Variants in DDX10 observed in about 807,000 individuals in gnomAD.
DDX10 encodes the protein probable ATP-dependent RNA helicase DDX10.
Under a neutral mutation model 104.3 loss-of-function variants are expected in DDX10, and 74 were observed. That is an observed-to-expected ratio of 0.71 (90% CI 0.59 to 0.86). The LOEUF (loss-of-function observed/expected upper bound fraction) is 0.86, where lower values mean the gene tolerates loss of function less well. Ranked by LOEUF, DDX10 falls within the 40% of genes least tolerant of loss-of-function variation. The pLI, the probability that DDX10 is intolerant of heterozygous loss-of-function variation, is 0.00. For missense variants in DDX10, 952 were observed against 1,040.0 expected, an observed-to-expected ratio of 0.92 and a Z score of 1.16; for synonymous variants, 351 against 353.4, an observed-to-expected ratio of 0.99 and a Z score of 0.08.
At chr11:108,925,403 G>T (rs1461239462) in intron 17 of DDX10, among the ~76,000 whole-genome samples, 1 of 152,144 alleles carries the variant, frequency 6.6e-6, no homozygotes, top group Admixed American at 6.6e-5. Context: ...GAAGCGCCAG[G>T]ATCTCTAAGA....
Position 108,723,246 on chromosome 11 carries a change from A to AGAAGAAGAAGACGAT in DDX10, c.1759_1773dup (p.Asp587_Glu591dup). On this transcript the variant is annotated inframe_insertion, in exon 13 of 18. Coordinates refer to ENST00000322536, the MANE Select transcript of DDX10 (RefSeq NM_004398.4). ...ATGATACTGGTAATGAAGAACAGGAAGAAGAAGAAGACGATGAAGAAGAAA... is the reference window on the plus strand; with the variant it reads ...ATGATACTGGTAATGAAGAACAGGAAGAAGAAGAAGACGATGAAGAAGAAGACGATGAAGAAGAAA... 1 of 1,612,100 alleles carries AGAAGAAGAAGACGAT rather than the reference A, an allele frequency of 6.2e-7. No individual in the cohort carries two copies. Among genetic ancestry groups the AGAAGAAGAAGACGAT allele is most frequent in the Non-Finnish European group, 8.5e-7 (1 of 1,179,274 alleles).
chr11:108,856,868 G>A (rs559217698), intron 16 of DDX10, among the ~76,000 whole-genome samples: 11 of 57,362 alleles, frequency 1.9e-4, no homozygotes, highest in Admixed American at 4.5e-4. Context: ...CACCACCCCC[G>A]CGTGAGAATA....
intron 13 of DDX10, among the ~76,000 whole-genome samples, chr11:108,835,653 G>A (rs1195472949): frequency 6.6e-6 from 1 of 152,200 alleles, no homozygotes; most frequent in Non-Finnish European, 1.5e-5. Context: ...TCAAGGGCCC[G>A]TTACAAAGTT....
chr11:108,665,789 T>C (rs71489910), intron 1 of DDX10, among the ~76,000 whole-genome samples: 10,348 of 152,216 alleles, frequency 0.068, 400 homozygotes, highest in Middle Eastern at 0.13. Context: ...TAGTAGGTGG[T>C]GTGGAATTGG....
chr11:108,715,734 A>G (rs1344327964), intron 10 of DDX10, 145 bp from the exon 11 acceptor site: 3 of 582,194 alleles, frequency 5.2e-6, no homozygotes, highest in African/African-American at 1.9e-5. Flanking sequence ...ACTTATGTCT[A>G]GTTTAATTTC....
intron 16 of DDX10, among the ~76,000 whole-genome samples, chr11:108,865,066 G>T (rs768242308): frequency 2.6e-5 from 4 of 152,194 alleles, no homozygotes; most frequent in Non-Finnish European, 4.4e-5. Context: ...AGGAGCAGCA[G>T]GATTTGGTTT....
chr11:108,928,994 C>T (rs1056845614), intron 17 of DDX10, among the ~76,000 whole-genome samples: 3 of 152,176 alleles, frequency 2.0e-5, no homozygotes, highest in Non-Finnish European at 2.9e-5. Context: ...GATGTAGTGA[C>T]AGTAATGTCA....
chr11:108,837,607 C>CTTTTTTTTTTTTTTTTTTTTTT lies in DDX10; in HGVS notation c.1966-825_1966-804dup, dbSNP rs142381520. 1.2e-4 allele frequency among the ~76,000 whole-genome samples: 4 copies of CTTTTTTTTTTTTTTTTTTTTTT among 34,748 alleles called. 1 individual carries two copies. Among genetic ancestry groups the CTTTTTTTTTTTTTTTTTTTTTT allele is most frequent in the Non-Finnish European group, 2.0e-4 (4 of 20,186 alleles). The allele number at this position is 34,748 out of a possible 152,430, so 22.8% of individuals were successfully genotyped here. A position where few individuals can be genotyped will look rare whatever the true frequency, so the allele number is the denominator to read the frequency against. On this transcript the variant is annotated intron_variant, in intron 13 of 17. Coordinates refer to ENST00000322536, the MANE Select transcript of DDX10 (RefSeq NM_004398.4). ...TTCTGCATCTCACCTTTGGATACAG[C>CTTTTTTTTTTTTTTTTTTTTTT]TTTTTTTTTTTTTTTTTTTTTTTTT...
intron 13 of DDX10, among the ~76,000 whole-genome samples, chr11:108,743,850 A>G (rs1378321370): frequency 6.6e-6 from 1 of 152,202 alleles, no homozygotes; most frequent in Admixed American, 6.5e-5. Context: ...AAACACACAC[A>G]TGCTGCTTGA....
Position 108,706,725 on chromosome 11 carries a change from TTC to T in DDX10, c.1224-12_1224-11del. The T allele has an allele frequency of 6.2e-7, 1 of 1,606,020 alleles. No homozygotes were observed. Among genetic ancestry groups the T allele is most frequent in the Non-Finnish European group, 8.5e-7 (1 of 1,172,660 alleles). ...TGCATTGATGTGTTAAAGATTTTGT[TTC>T]TTTTTGTTTAGGTACAAAGAGGATG... On this transcript the variant is annotated splice_polypyrimidine_tract_variant and intron_variant, in intron 9 of 17. Coordinates refer to ENST00000322536, the MANE Select transcript of DDX10 (RefSeq NM_004398.4).
Position 108,715,934 on chromosome 11 carries a change from C to T in DDX10, c.1378C>T (p.Gln460Ter). ...VQKKLESILAQDQDLKERAQR... is the reference protein window; with the variant it reads ...VQKKLESILA ...GAAAAAATTGGAATCTATTTTAGCTCAAGATCAAGATTTAAAAGAAAGAGC... is the reference window on the plus strand; with the variant it reads ...GAAAAAATTGGAATCTATTTTAGCTTAAGATCAAGATTTAAAAGAAAGAGC... The change falls in exon 11 of 18, where the codon CAA (glutamine) becomes TAA (stop). Residue 460 changes from glutamine (Q) to a stop codon, truncating the protein, a stop_gained. Coordinates refer to ENST00000322536, the MANE Select transcript of DDX10 (RefSeq NM_004398.4). LOFTEE classifies it high-confidence loss of function. 6.4e-7 allele frequency: 1 copy of T among 1,565,398 alleles called. No individual in the cohort carries two copies. Among genetic ancestry groups the T allele is most frequent in the South Asian group, 1.1e-5 (1 of 88,834 alleles).
At chr11:108,692,510 G>T (rs1787004445) in intron 8 of DDX10, among the ~76,000 whole-genome samples, 1 of 152,170 alleles carries the variant, frequency 6.6e-6, no homozygotes, top group African/African-American at 2.4e-5. Context: ...GTGGGAATGG[G>T]ACGGGGATGG....
chr11:108,784,314 T>C (rs1861757819), intron 13 of DDX10, among the ~76,000 whole-genome samples: 1 of 152,156 alleles, frequency 6.6e-6, no homozygotes, highest in Non-Finnish European at 1.5e-5. Context: ...TCTTTTATTT[T>C]TTTGACTTTT....
intron 15 of DDX10, among the ~76,000 whole-genome samples, chr11:108,845,033 A>T (rs1862694776): frequency 6.6e-6 from 1 of 151,852 alleles, no homozygotes; most frequent in South Asian, 2.1e-4. Flanking sequence ...CATCTCTACT[A>T]AAAAAATACA....
In DDX10 at chr11:108,931,097, A is replaced by G. The variant is rs899754105; in HGVS notation, c.2451-9149A>G. Reference sequence around the variant, plus strand: ...CTCCCCAGGAGTTCTCTCATGAGCCATGATAGCACCCTGTACTCCAGCCTG... The same window carrying G: ...CTCCCCAGGAGTTCTCTCATGAGCCGTGATAGCACCCTGTACTCCAGCCTG... On this transcript the variant is annotated intron_variant, in intron 17 of 17. Coordinates refer to ENST00000322536, the MANE Select transcript of DDX10 (RefSeq NM_004398.4). Among the ~76,000 whole-genome samples the G allele has an allele frequency of 2.6e-5, 4 of 152,260 alleles. No individual in the cohort carries two copies. The Middle Eastern group carries it at 0.01, about 388-fold the overall frequency.
chr11:108,872,971 C>T (rs1050560274), intron 16 of DDX10, among the ~76,000 whole-genome samples: 2 of 151,990 alleles, frequency 1.3e-5, no homozygotes, highest in African/African-American at 4.8e-5. Context: ...TGTGTTGTGA[C>T]TTGAGATCAG....
chr11:108,900,679 A>T (rs936660142), intron 16 of DDX10, among the ~76,000 whole-genome samples: 4 of 152,196 alleles, frequency 2.6e-5, no homozygotes, highest in African/African-American at 9.7e-5. Context: ...AGAAGTAACT[A>T]CCACTGCCCT....
chr11:108,925,299 CTTACTG>C (rs1863894260), intron 17 of DDX10, among the ~76,000 whole-genome samples: 2 of 152,278 alleles, frequency 1.3e-5, no homozygotes, highest in South Asian at 4.1e-4. Flanking sequence ...AAGCTACTCT[CTTACTG>C]TTACTGTTTT....
chr11:108,694,040 C>G (rs541289497), intron 9 of DDX10, among the ~76,000 whole-genome samples: 7 of 152,060 alleles, frequency 4.6e-5, no homozygotes, highest in African/African-American at 1.7e-4. Context: ...GGGTCTTAAG[C>G]GTGCATATGC....
Sources: gnomAD v4.1 joint callset for allele counts (sites outside exome capture counted in the v4.1 genomes callset) on GRCh38, gnomAD v4.1.1 for gene constraint, MANE v1.5 for transcripts, NCBI Gene and HGNC (gene_info 2026-07-23, HGNC 2026-07-21) for gene names.